PPIAL4H: variants seen among roughly 807,000 people sequenced by gnomAD.
The protein encoded by PPIAL4H is peptidylprolyl isomerase A like 4H.
In PPIAL4H, 6 loss-of-function variants were observed where a neutral mutation model predicts 7.5. That is an observed-to-expected ratio of 0.80 (90% CI 0.44 to 1.58). The LOEUF (loss-of-function observed/expected upper bound fraction) is 1.58, where lower values mean the gene tolerates loss of function less well. PPIAL4H is among the 40% of genes most tolerant of loss of function. The pLI is 0.01. For synonymous variants in PPIAL4H, 43 were observed against 76.6 expected, an observed-to-expected ratio of 0.56 and a Z score of 2.29; for missense variants, 115 against 211.6, an observed-to-expected ratio of 0.54 and a Z score of 2.83.
chr1:146,344,281 A>G lies in PPIAL4H; in HGVS notation c.435T>C (p.Phe145=). 1 of 1,570,804 alleles carries G rather than the reference A, an allele frequency of 6.4e-7. No individual in the cohort carries two copies. The highest frequency in any genetic ancestry group is 8.6e-7 in the Non-Finnish European group (1 of 1,159,888). ...TGCTGGTCTTGCTATTCCTGTACCC[A>G]AAGTGCTCCATGGCTTCCACAATAT... ...RVNIVEAMEH[F]GYRNSKTSKK... Residue 145 remains phenylalanine (F), a synonymous_variant, in exon 1 of 1, where the codon TTT becomes TTC. Coordinates refer to ENST00000584068, the MANE Select transcript of PPIAL4H (RefSeq NM_001368128.3).
At position 146,344,368 on chromosome 1, in the gene PPIAL4H, A is replaced by G; in HGVS notation, c.348T>C (p.Thr116=). 4 of 1,587,560 alleles carry G rather than the reference A, an allele frequency of 2.5e-6. No homozygotes were observed. The highest frequency in any genetic ancestry group is 3.4e-6 in the Non-Finnish European group (4 of 1,162,636). Residue 116 remains threonine, a synonymous_variant, in exon 1 of 1, where the codon ACT becomes ACC. Transcript: ENST00000584068. The part of the protein sequence containing the change: ...NTNGSQLFIC[T]AKTEWLDGKH... Reference sequence around the variant, plus strand: ...TGCCATCCAACCACTCAGTCTTGGCAGTGCAGATGAATAACTGGGAGCCAT... The same window carrying G: ...TGCCATCCAACCACTCAGTCTTGGCGGTGCAGATGAATAACTGGGAGCCAT...
In PPIAL4H at chr1:146,344,421, A is replaced by G. The variant is rs1666619870; in HGVS notation, c.295T>C (p.Ser99Pro). Residue 99 changes from serine (S) to proline (P), a missense_variant, in exon 1 of 1, where the codon TCC becomes CCC. Ser to Pro is a moderately conservative substitution (Grantham distance 74). Transcript: ENST00000584068. ...GTGTTGGGTCCAGCATTTACCATGGACAAGATGCCAGAACCTGTATGCTTT... is the reference window on the plus strand; with the variant it reads ...GTGTTGGGTCCAGCATTTACCATGGGCAAGATGCCAGAACCTGTATGCTTT... ...IRKHTGSGIL[S>P]MVNAGPNTNG... The G allele has an allele frequency of 5.7e-6, 9 of 1,588,798 alleles. 2 individuals are homozygous for G. Among genetic ancestry groups the G allele is most frequent in the Non-Finnish European group, 7.7e-6 (9 of 1,163,080 alleles).
chr1:146,344,383 C>G lies in PPIAL4H; in HGVS notation c.333G>C (p.Gln111His). ...CAGTCTTGGCAGTGCAGATGAATAA[C>G]TGGGAGCCATTTGTGTTGGGTCCAG... The part of the protein sequence containing the change: ...VNAGPNTNGS[Q>H]LFICTAKTEW... The change falls in exon 1 of 1, where the codon CAG becomes CAC. Residue 111 changes from glutamine to histidine, a missense_variant. Physicochemically the swap from Gln to His is conservative, Grantham distance 24. Coordinates refer to ENST00000584068, the MANE Select transcript of PPIAL4H (RefSeq NM_001368128.3). 1.3e-6 allele frequency: 2 copies of G among 1,588,454 alleles called. No homozygotes were observed. Among genetic ancestry groups the G allele is most frequent in the South Asian group, 2.2e-5 (2 of 89,778 alleles).
At position 146,344,358 on chromosome 1, in the gene PPIAL4H, C is replaced by T; in HGVS notation, c.358G>A (p.Glu120Lys). The T allele has an allele frequency of 2.5e-6, 4 of 1,586,910 alleles. No homozygotes were observed. Among genetic ancestry groups the T allele is most frequent in the South Asian group, 2.2e-5 (2 of 89,728 alleles). The change falls in exon 1 of 1, where the codon GAG becomes AAG. Residue 120 changes from glutamate (E) to lysine (K), a missense_variant. By Grantham distance (56) the Glu-to-Lys change is moderately conservative. This residue lies in a region of PPIAL4H where 68 missense variants were observed against 75.8 expected (regional missense o/e 0.90). Coordinates refer to ENST00000584068, the MANE Select transcript of PPIAL4H (RefSeq NM_001368128.3). The part of the protein sequence containing the change: ...SQLFICTAKT[E>K]WLDGKHVAFG... Reference sequence around the variant, plus strand: ...GCCACATGCTTGCCATCCAACCACTCAGTCTTGGCAGTGCAGATGAATAAC... The same window carrying T: ...GCCACATGCTTGCCATCCAACCACTTAGTCTTGGCAGTGCAGATGAATAAC...
Position 146,344,187 on chromosome 1 carries a change from T to C in PPIAL4H, c.*34A>G, listed in dbSNP as rs1666617136. 4 of 1,555,350 alleles carry C rather than the reference T, an allele frequency of 2.6e-6. No individual in the cohort carries two copies. In the South Asian group the frequency reaches 4.5e-5, roughly 17 times the overall value. On this transcript the variant is annotated 3_prime_UTR_variant, in exon 1 of 1. Coordinates refer to ENST00000584068, the MANE Select transcript of PPIAL4H (RefSeq NM_001368128.3). ...TCTCCTGAGCTACAGAATGAATGGG[T>C]CTGGTGGTGAAAATAAAACACAAGT... is the stretch of plus-strand genomic sequence containing the variant.
chr1:146,344,340 G>T lies in PPIAL4H; in HGVS notation c.376C>A (p.His126Asn). The T allele has an allele frequency of 2.5e-6, 4 of 1,584,832 alleles. 1 individual carries two copies. Among genetic ancestry groups the T allele is most frequent in the Admixed American group, 3.4e-5 (2 of 58,424 alleles). ...TAKTEWLDGK[H>N]VAFGKVKERV... ...TCTTTCACCTTGCCAAAGGCCACAT[G>T]CTTGCCATCCAACCACTCAGTCTTG... is the stretch of plus-strand genomic sequence containing the variant. The change falls in exon 1 of 1, where the codon CAT becomes AAT. Residue 126 changes from histidine (H) to asparagine (N), a missense_variant. His to Asn is a moderately conservative substitution (Grantham distance 68). Coordinates refer to ENST00000584068, the MANE Select transcript of PPIAL4H (RefSeq NM_001368128.3).
Position 146,344,567 on chromosome 1 carries a change from C to A in PPIAL4H, c.149G>T (p.Gly50Val). 6.3e-7 allele frequency: 1 copy of A among 1,579,410 alleles called. No individual in the cohort carries two copies. The highest frequency in any genetic ancestry group is 8.6e-7 in the Non-Finnish European group (1 of 1,158,694). The stretch of plus-strand genomic sequence containing the variant: ...TGGAATAATTCTGTGAAAGCAGGAA[C>A]CCTTATAACGAAATCCTTTCTCTCC... Reference protein sequence around the residue: ...STGEKGFRYKGSCFHRIIPGF... With the variant: ...STGEKGFRYKVSCFHRIIPGF... Residue 50 changes from glycine (G) to valine (V), a missense_variant, in exon 1 of 1, where the codon GGT becomes GTT. Physicochemically the swap from Gly to Val is moderately radical, Grantham distance 109. Transcript: ENST00000584068.
chr1:146,344,565 A>G lies in PPIAL4H; in HGVS notation c.151T>C (p.Ser51Pro). 6.3e-7 allele frequency: 1 copy of G among 1,579,866 alleles called. No homozygotes were observed. Among genetic ancestry groups the G allele is most frequent in the Non-Finnish European group, 8.6e-7 (1 of 1,158,960 alleles). The change falls in exon 1 of 1, where the codon TCC becomes CCC. Residue 51 changes from serine (S) to proline (P), a missense_variant. Ser to Pro is a moderately conservative substitution (Grantham distance 74). This residue lies in a region of PPIAL4H where 36 missense variants were observed against 100.4 expected (regional missense o/e 0.36). Transcript: ENST00000584068. ...TGEKGFRYKG[S>P]CFHRIIPGFM... ...CCTGGAATAATTCTGTGAAAGCAGG[A>G]ACCCTTATAACGAAATCCTTTCTCT...
In PPIAL4H at chr1:146,344,355, A is replaced by G. The variant is rs1280728181; in HGVS notation, c.361T>C (p.Trp121Arg). ...QLFICTAKTE[W>R]LDGKHVAFGK... ...AAGGCCACATGCTTGCCATCCAACC[A>G]CTCAGTCTTGGCAGTGCAGATGAAT... Residue 121 changes from tryptophan (W) to arginine (R), a missense_variant, in exon 1 of 1, where the codon TGG becomes CGG. Coordinates refer to ENST00000584068, the MANE Select transcript of PPIAL4H (RefSeq NM_001368128.3). 5 of 1,585,920 alleles carry G rather than the reference A, an allele frequency of 3.2e-6. No individual in the cohort carries two copies. The African/African-American group carries it at 5.5e-5, about 17-fold the overall frequency.
At position 146,344,123 on chromosome 1, in the gene PPIAL4H, G is replaced by C; in HGVS notation, c.*98C>G. On this transcript the variant is annotated 3_prime_UTR_variant, in exon 1 of 1. Transcript: ENST00000584068. ...AAGGGAACTGCAGCAAGAGCACAAAGATTCTAGGATATTGCAAGCAAATGT... is the reference window on the plus strand; with the variant it reads ...AAGGGAACTGCAGCAAGAGCACAAACATTCTAGGATATTGCAAGCAAATGT... The C allele has an allele frequency of 7.2e-7, 1 of 1,380,888 alleles. No homozygotes were observed. The highest frequency in any genetic ancestry group is 9.9e-7 in the Non-Finnish European group (1 of 1,013,934). The allele number at this position is 1,380,888 out of a possible 1,614,324, so 85.5% of individuals were successfully genotyped here. A position where few individuals can be genotyped will look rare whatever the true frequency, so the allele number is the denominator to read the frequency against.
Position 146,344,729 on chromosome 1 carries a change from G to T in PPIAL4H, c.-14C>A. The stretch of plus-strand genomic sequence containing the variant: ...GGAGTTGACCATGGCTGATAGTACA[G>T]GGCTCACAGCGATGGTGGCGTCTGC... On this transcript the variant is annotated 5_prime_UTR_variant, in exon 1 of 1. In the 5' UTR this introduces an upstream ATG that the reference lacks. Transcript: ENST00000584068. 8.2e-7 allele frequency: 1 copy of T among 1,219,080 alleles called. No individual in the cohort carries two copies. Among genetic ancestry groups the T allele is most frequent in the South Asian group, 1.3e-5 (1 of 75,216 alleles). The allele number at this position is 1,219,080 out of a possible 1,614,324, so 75.5% of individuals were successfully genotyped here.
At position 146,344,365 on chromosome 1, in the gene PPIAL4H, G is replaced by A; in HGVS notation, c.351C>T (p.Ala117=). The A allele has an allele frequency of 6.3e-7, 1 of 1,587,156 alleles. No individual in the cohort carries two copies. Among genetic ancestry groups the A allele is most frequent in the Non-Finnish European group, 8.6e-7 (1 of 1,162,522 alleles). Residue 117 remains alanine, a synonymous_variant, in exon 1 of 1, where the codon GCC becomes GCT. Coordinates refer to ENST00000584068, the MANE Select transcript of PPIAL4H (RefSeq NM_001368128.3). ...TNGSQLFICT[A]KTEWLDGKHV... ...GCTTGCCATCCAACCACTCAGTCTTGGCAGTGCAGATGAATAACTGGGAGC... is the reference window on the plus strand; with the variant it reads ...GCTTGCCATCCAACCACTCAGTCTTAGCAGTGCAGATGAATAACTGGGAGC...
chr1:146,344,333 G>C lies in PPIAL4H; in HGVS notation c.383C>G (p.Ala128Gly). The stretch of plus-strand genomic sequence containing the variant: ...CACACGTTCTTTCACCTTGCCAAAG[G>C]CCACATGCTTGCCATCCAACCACTC... The part of the protein sequence containing the change: ...KTEWLDGKHV[A>G]FGKVKERVNI... The change falls in exon 1 of 1, where the codon GCC (alanine) becomes GGC (glycine). Residue 128 changes from alanine (A) to glycine (G), a missense_variant. Physicochemically the swap from Ala to Gly is moderately conservative, Grantham distance 60. This residue lies in a region of PPIAL4H where 68 missense variants were observed against 75.8 expected (regional missense o/e 0.90). Coordinates refer to ENST00000584068, the MANE Select transcript of PPIAL4H (RefSeq NM_001368128.3). The C allele has an allele frequency of 6.3e-7, 1 of 1,583,764 alleles. No individual in the cohort carries two copies. The highest frequency in any genetic ancestry group is 8.6e-7 in the Non-Finnish European group (1 of 1,161,606).
In PPIAL4H at chr1:146,344,757, A is replaced by C. The variant is rs2101405625; in HGVS notation, c.-42T>G. 2 of 977,720 alleles carry C rather than the reference A, an allele frequency of 2.0e-6. No homozygotes were observed. The highest frequency in any genetic ancestry group is 3.0e-6 in the Non-Finnish European group (2 of 677,896). The allele number at this position is 977,720 out of a possible 1,614,324, so 60.6% of individuals were successfully genotyped here. On this transcript the variant is annotated 5_prime_UTR_variant, in exon 1 of 1. Transcript: ENST00000584068. ...CTCACAGCGATGGTGGCGTCTGCAAAGATAACCACTGATCTTTTTACTGTC... is the reference window on the plus strand; with the variant it reads ...CTCACAGCGATGGTGGCGTCTGCAACGATAACCACTGATCTTTTTACTGTC...
rs1666618969 is a variant in PPIAL4H at position 146,344,353 on chromosome 1, C to A, written c.363G>T (p.Trp121Cys). The A allele has an allele frequency of 1.9e-6, 3 of 1,586,410 alleles. No homozygotes were observed. The highest frequency in any genetic ancestry group is 2.2e-5 in the South Asian group (2 of 89,728). Residue 121 changes from tryptophan (W) to cysteine (C), a missense_variant, in exon 1 of 1, where the codon TGG (tryptophan) becomes TGT (cysteine). By Grantham distance (215) the Trp-to-Cys change is radical (BLOSUM62 -2). Coordinates refer to ENST00000584068, the MANE Select transcript of PPIAL4H (RefSeq NM_001368128.3). ...QLFICTAKTE[W>C]LDGKHVAFGK... ...CAAAGGCCACATGCTTGCCATCCAA[C>A]CACTCAGTCTTGGCAGTGCAGATGA...
At position 146,344,157 on chromosome 1, in the gene PPIAL4H, G is replaced by A; in HGVS notation, c.*64C>T. On this transcript the variant is annotated 3_prime_UTR_variant, in exon 1 of 1. Transcript: ENST00000584068. ...ATATTGCAAGCAAATGTGGTGGAGG[G>A]GTGCTCTCCTGAGCTACAGAATGAA... 6.5e-7 allele frequency: 1 copy of A among 1,547,330 alleles called. No homozygotes were observed. Among genetic ancestry groups the A allele is most frequent in the African/African-American group, 1.4e-5 (1 of 69,036 alleles).
At position 146,344,228 on chromosome 1, in the gene PPIAL4H, T is replaced by A. The variant is rs2101404744; in HGVS notation, c.488A>T (p.Gln163Leu). 4 of 1,561,468 alleles carry A rather than the reference T, an allele frequency of 2.6e-6. No individual in the cohort carries two copies. The highest frequency in any genetic ancestry group is 2.3e-5 in the East Asian group (1 of 43,748). The change falls in exon 1 of 1, where the codon CAA becomes CTA. Residue 163 changes from glutamine (Q) to leucine (L), a missense_variant. Gln to Leu is a moderately radical substitution (Grantham distance 113). This residue lies in a region of PPIAL4H where 11 missense variants were observed against 35.4 expected (regional missense o/e 0.31). Coordinates refer to ENST00000584068, the MANE Select transcript of PPIAL4H (RefSeq NM_001368128.3). The part of the protein sequence containing the change: ...SKKITIADCG[Q>L]F ...AAACACAAGTCAAACTCATTAGAATTGTCCACAGTCAGCAATGGTGATCTT... is the reference window on the plus strand; with the variant it reads ...AAACACAAGTCAAACTCATTAGAATAGTCCACAGTCAGCAATGGTGATCTT...
Position 146,344,679 on chromosome 1 carries a change from C to T in PPIAL4H, c.37G>A (p.Asp13Asn). 6 of 1,455,630 alleles carry T rather than the reference C, an allele frequency of 4.1e-6. No homozygotes were observed. The highest frequency in any genetic ancestry group is 5.6e-6 in the Non-Finnish European group (6 of 1,063,516). The allele number at this position is 1,455,630 out of a possible 1,614,324, so 90.2% of individuals were successfully genotyped here. ...GAGATGCGGCCCAAGGGCTTGCCGT[C>T]GACGGTGATGTCAAAAAAGACGACG... ...NSVVFFDITV[D>N]GKPLGRISIK... Residue 13 changes from aspartate (D) to asparagine (N), a missense_variant, in exon 1 of 1, where the codon GAC becomes AAC. This residue lies in a region of PPIAL4H where 36 missense variants were observed against 100.4 expected (regional missense o/e 0.36). Transcript: ENST00000584068.
chr1:146,344,399 T>A lies in PPIAL4H; in HGVS notation c.317A>T (p.Asn106Ile). 1 of 1,588,680 alleles carries A rather than the reference T, an allele frequency of 6.3e-7. No homozygotes were observed. Among genetic ancestry groups the A allele is most frequent in the Non-Finnish European group, 8.6e-7 (1 of 1,162,996 alleles). ...GATGAATAACTGGGAGCCATTTGTG[T>A]TGGGTCCAGCATTTACCATGGACAA... is the stretch of plus-strand genomic sequence containing the variant. ...GILSMVNAGPNTNGSQLFICT... is the reference protein window; with the variant it reads ...GILSMVNAGPITNGSQLFICT... Residue 106 changes from asparagine to isoleucine, a missense_variant, in exon 1 of 1, where the codon AAC becomes ATC. Asn to Ile is a moderately radical substitution (Grantham distance 149). Transcript: ENST00000584068.
Sources: allele counts gnomAD v4.1 joint callset, GRCh38; gene constraint gnomAD v4.1.1; regional missense constraint gnomAD v4.1.1; transcripts MANE v1.5; gene names NCBI Gene and HGNC (gene_info 2026-07-23, HGNC 2026-07-21).